The following GABRG3 variants were observed in gnomAD, a reference collection of about 807,000 sequenced individuals.
GABRG3 encodes gamma-aminobutyric acid type A receptor subunit gamma3.
GABRG3 carries 25 observed loss-of-function variants against 48.8 expected under a neutral mutation model. That is an observed-to-expected ratio of 0.51 (90% CI 0.37 to 0.72). The LOEUF is 0.72. GABRG3 is among the 30% of genes least tolerant of loss of function. The pLI, the probability that GABRG3 is intolerant of heterozygous loss-of-function variation, is 0.00. For synonymous variants in GABRG3, 227 were observed against 217.6 expected, an observed-to-expected ratio of 1.04 and a Z score of -0.38; for missense variants, 394 against 577.9, an observed-to-expected ratio of 0.68 and a Z score of 3.26.
chr15:27,535,583 G>A lies in GABRG3; in HGVS notation c.*2702G>A, dbSNP rs1391539991. 6.6e-6 allele frequency: 1 copy of A among 152,164 alleles called. No individual in the cohort carries two copies. Among genetic ancestry groups the A allele is most frequent in the Admixed American group, 6.5e-5 (1 of 15,278 alleles). The allele number at this position is 152,164 out of a possible 1,614,324, so 9.4% of individuals were successfully genotyped here. ...TTTCACTAACTGAGCATCATAGTGT[G>A]GATTCCTGCATATACAGCAGGCTCC... On this transcript the variant is annotated 3_prime_UTR_variant, in exon 10 of 10. Coordinates refer to ENST00000615808, the MANE Select transcript of GABRG3 (RefSeq NM_033223.5).
intron 5 of GABRG3, among the ~76,000 whole-genome samples, chr15:27,391,188 A>C (rs764499723): frequency 1.6e-4 from 24 of 152,158 alleles, no homozygotes; most frequent in Non-Finnish European, 3.2e-4. Flanking sequence ...TAAAATAGAA[A>C]AATAGCTTCT....
At chr15:27,442,162 C>T (rs561755019) in intron 5 of GABRG3, among the ~76,000 whole-genome samples, 63 of 152,264 alleles carry the variant, frequency 4.1e-4, no homozygotes, top group Middle Eastern at 6.8e-3. Context: ...CAAGTCCACA[C>T]CCAGCCTTGG....
chr15:27,189,791 C>T (rs576624434), intron 3 of GABRG3, among the ~76,000 whole-genome samples: 48 of 152,272 alleles, frequency 3.2e-4, no homozygotes, highest in African/African-American at 1.1e-3. Context: ...ACAGGGCATC[C>T]CTGTCTTGTG....
intron 3 of GABRG3, among the ~76,000 whole-genome samples, chr15:27,132,107 C>G (rs1897925589): frequency 6.6e-6 from 1 of 151,892 alleles, no homozygotes; most frequent in Non-Finnish European, 1.5e-5. Flanking sequence ...CTAATTGTTT[C>G]CTTTGTTGTA....
intron 5 of GABRG3, among the ~76,000 whole-genome samples, chr15:27,435,286 T>G (rs1009702968): frequency 6.6e-6 from 1 of 151,824 alleles, no homozygotes; most frequent in Non-Finnish European, 1.5e-5. Flanking sequence ...AGCAGAGTTT[T>G]GCAAGTGTCT....
chr15:27,459,227 G>A (rs1010278164), intron 5 of GABRG3, among the ~76,000 whole-genome samples: 3 of 152,192 alleles, frequency 2.0e-5, no homozygotes, highest in Non-Finnish European at 4.4e-5. Flanking sequence ...TGGCAGGCTC[G>A]GTCCCATACA....
At chr15:27,184,170 G>A (rs1888020579) in intron 3 of GABRG3, among the ~76,000 whole-genome samples, 1 of 152,186 alleles carries the variant, frequency 6.6e-6, no homozygotes, top group African/African-American at 2.4e-5. Context: ...AATTTTTAGG[G>A]AAGGCAAATT....
At chr15:26,983,833 T>A (rs1478634542) in intron 2 of GABRG3, among the ~76,000 whole-genome samples, 4 of 152,142 alleles carry the variant, frequency 2.6e-5, no homozygotes, top group Non-Finnish European at 5.9e-5. Flanking sequence ...CAAACTATTA[T>A]CTGTTTCTTT....
chr15:27,034,363 C>T (rs1896138995), intron 3 of GABRG3, among the ~76,000 whole-genome samples: 5 of 151,950 alleles, frequency 3.3e-5, no homozygotes, highest in Admixed American at 3.3e-4. Flanking sequence ...GCCACGTGGT[C>T]AGTGTGTTAT....
intron 3 of GABRG3, among the ~76,000 whole-genome samples, chr15:27,143,390 T>G (rs1319367863): frequency 1.3e-5 from 2 of 152,230 alleles, no homozygotes; most frequent in Admixed American, 1.3e-4. Context: ...GGGTTTCTTA[T>G]AAGAAGAAGC....
intron 3 of GABRG3, among the ~76,000 whole-genome samples, chr15:27,109,183 A>T (rs561620280): frequency 6.6e-6 from 1 of 152,200 alleles, no homozygotes; most frequent in East Asian, 1.9e-4. Context: ...TAATTAATAG[A>T]TTTTATTTTT....
chr15:27,231,890 AT>A (rs1228289970), intron 3 of GABRG3, among the ~76,000 whole-genome samples: 1 of 152,126 alleles, frequency 6.6e-6, no homozygotes, highest in Non-Finnish European at 1.5e-5. Flanking sequence ...TTTCTACTTC[AT>A]TGTCTGATCT....
At chr15:27,361,717 G>A (rs113940816) in intron 5 of GABRG3, among the ~76,000 whole-genome samples, 8 of 152,252 alleles carry the variant, frequency 5.3e-5, no homozygotes, top group East Asian at 1.9e-4. Flanking sequence ...CAGCTATTTC[G>A]GGCTAATCTG....
At chr15:27,324,085 C>T (rs1164661551) in intron 3 of GABRG3, among the ~76,000 whole-genome samples, 1 of 152,226 alleles carries the variant, frequency 6.6e-6, no homozygotes, top group Non-Finnish European at 1.5e-5. Flanking sequence ...GCACCAATGA[C>T]TATCATGATC....
intron 6 of GABRG3, among the ~76,000 whole-genome samples, chr15:27,500,867 C>A (rs917588079): frequency 1.9e-4 from 29 of 148,818 alleles, no homozygotes; most frequent in Admixed American, 1.8e-3. Context: ...ATCCAGGAAT[C>A]TTATATAAGG....
At chr15:27,302,345 T>C (rs371930125) in intron 3 of GABRG3, among the ~76,000 whole-genome samples, 1 of 152,046 alleles carries the variant, frequency 6.6e-6, no homozygotes, top group East Asian at 1.9e-4. Context: ...AAGAGTTGAC[T>C]TGTTTTATCA....
chr15:26,986,544 C>T (rs906990990), intron 2 of GABRG3, among the ~76,000 whole-genome samples: 2 of 152,172 alleles, frequency 1.3e-5, no homozygotes, highest in African/African-American at 2.4e-5. Context: ...CACCATGCCA[C>T]CCCTATCGAG....
chr15:27,090,521 C>T (rs529382216), intron 3 of GABRG3, among the ~76,000 whole-genome samples: 2 of 152,252 alleles, frequency 1.3e-5, no homozygotes, highest in African/African-American at 4.8e-5. Context: ...ATGAGGGTTC[C>T]AATTCCTCCA....
At chr15:27,071,879 T>G (rs1374777588) in intron 3 of GABRG3, among the ~76,000 whole-genome samples, 1 of 152,254 alleles carries the variant, frequency 6.6e-6, no homozygotes. Context: ...CTTGATTAGT[T>G]GATTACTTTC....
Sources: gnomAD v4.1 joint callset for allele counts (sites outside exome capture counted in the v4.1 genomes callset) on GRCh38, gnomAD v4.1.1 for gene constraint, MANE v1.5 for transcripts, NCBI Gene and HGNC (gene_info 2026-07-23, HGNC 2026-07-21) for gene names.